LRRN2: variants seen among roughly 807,000 people sequenced by gnomAD.
LRRN2 encodes leucine rich repeat neuronal 2, also known as leucine-rich repeat neuronal protein 2.
LRRN2 carries 10 observed loss-of-function variants against 35.7 expected under a neutral mutation model. That is an observed-to-expected ratio of 0.28 (90% CI 0.17 to 0.47). LRRN2 has a LOEUF of 0.47. Among genes scored for constraint, LRRN2 ranks in the 20% least tolerant of loss-of-function variants. The pLI, the probability that LRRN2 is intolerant of heterozygous loss-of-function variation, is 0.99. For synonymous variants in LRRN2, 391 were observed against 409.6 expected (o/e 0.95, Z 0.55); for missense variants, 731 against 940.3 (o/e 0.78, Z 2.91).
intron 1 of LRRN2, among the ~76,000 whole-genome samples, chr1:204,682,182 TGCA>T (rs1558425990): frequency 6.6e-6 from 1 of 152,214 alleles, no homozygotes; most frequent in East Asian, 1.9e-4. Flanking sequence ...TCTACCTGAA[TGCA>T]GGTGGGGTGT....
At chr1:204,643,388 T>C (rs190229078) in intron 1 of LRRN2, among the ~76,000 whole-genome samples, 17 of 152,316 alleles carry the variant, frequency 1.1e-4, no homozygotes, top group Admixed American at 9.8e-4. Context: ...ATAGCTTTTA[T>C]CAACTTTTGA....
chr1:204,656,584 G>T (rs527471210), intron 1 of LRRN2, among the ~76,000 whole-genome samples: 2 of 152,226 alleles, frequency 1.3e-5, no homozygotes, highest in African/African-American at 4.8e-5. Context: ...GAAAATTTTG[G>T]CACGAACATT....
chr1:204,643,964 T>A (rs1424460063), intron 1 of LRRN2, among the ~76,000 whole-genome samples: 1 of 152,124 alleles, frequency 6.6e-6, no homozygotes. Context: ...AAAATGAGAA[T>A]AATATATGAC....
At chr1:204,650,333 T>G (rs1668196336) in intron 1 of LRRN2, among the ~76,000 whole-genome samples, 1 of 152,234 alleles carries the variant, frequency 6.6e-6, no homozygotes. Context: ...ATTAATTGTT[T>G]GAAGTCCCAG....
At chr1:204,625,225 AGCTG>A in intron 1 of LRRN2, among the ~76,000 whole-genome samples, 1 of 152,136 alleles carries the variant, frequency 6.6e-6, no homozygotes. Flanking sequence ...CAAATCCCTG[AGCTG>A]GGAATGGGGA....
intron 1 of LRRN2, among the ~76,000 whole-genome samples, chr1:204,672,035 A>G (rs1170913339): frequency 6.6e-6 from 1 of 152,238 alleles, no homozygotes; most frequent in Non-Finnish European, 1.5e-5. Flanking sequence ...GCACACGCCA[A>G]AGGCTTCCCT....
At chr1:204,652,263 C>CCCCCCCCCG (rs1553348476) in intron 1 of LRRN2, among the ~76,000 whole-genome samples, 846 of 73,364 alleles carry the variant, frequency 0.012, 20 homozygotes, top group African/African-American at 0.046. Flanking sequence ...CTTCACCGCC[C>CCCCCCCCCG]CCCCCCCGCC....
At chr1:204,636,296 A>G (rs12057889) in intron 1 of LRRN2, among the ~76,000 whole-genome samples, 38 of 152,330 alleles carry the variant, frequency 2.5e-4, no homozygotes, top group African/African-American at 7.5e-4. Context: ...TAATGCTAAC[A>G]TGAAAATAAG....
chr1:204,617,609 C>G lies in LRRN2; in HGVS notation c.*242G>C. The G allele has an allele frequency of 1.9e-6, 1 of 538,138 alleles. No homozygotes were observed. Among genetic ancestry groups the G allele is most frequent in the South Asian group, 2.2e-5 (1 of 46,428 alleles). The allele number at this position is 538,138 out of a possible 1,614,324, so 33.3% of individuals were successfully genotyped here. ...GCAGGAGGCTCTAGCCAAAGTCCCTCCTGTTCCTTGGAGATGTTCCTCAGA... is the reference window on the plus strand; with the variant it reads ...GCAGGAGGCTCTAGCCAAAGTCCCTGCTGTTCCTTGGAGATGTTCCTCAGA... On this transcript the variant is annotated 3_prime_UTR_variant, in exon 2 of 2. Coordinates refer to ENST00000367177, the MANE Select transcript of LRRN2 (RefSeq NM_201630.2).
At position 204,620,091 on chromosome 1, in the gene LRRN2, G is replaced by A; in HGVS notation, c.-99C>T. 1 of 1,491,310 alleles carries A rather than the reference G, an allele frequency of 6.7e-7. No homozygotes were observed. The highest frequency in any genetic ancestry group is 8.9e-7 in the Non-Finnish European group (1 of 1,118,050). 92.4% of individuals were successfully genotyped at this position (1,491,310 alleles called of 1,614,324 possible). A position where few individuals can be genotyped will look rare whatever the true frequency, so the allele number is the denominator to read the frequency against. ...GGTCAGCAACCCTGCCAGGGCCCAA[G>A]GAACCACCCTCCCAGGGCAGTCATT... On this transcript the variant is annotated 5_prime_UTR_variant, in exon 2 of 2. Coordinates refer to ENST00000367177, the MANE Select transcript of LRRN2 (RefSeq NM_201630.2).
At chr1:204,638,147 AGGCAGAGGCCTGGG>A (rs1439322093) in intron 1 of LRRN2, among the ~76,000 whole-genome samples, 2 of 122,774 alleles carry the variant, frequency 1.6e-5, no homozygotes, top group Non-Finnish European at 3.2e-5. Flanking sequence ...TGAGGCCTGC[AGGCAGAGGCCTGGG>A]GAATATAATC....
chr1:204,633,706 C>T (rs1477660643), intron 1 of LRRN2, among the ~76,000 whole-genome samples: 2 of 152,244 alleles, frequency 1.3e-5, no homozygotes, highest in Non-Finnish European at 2.9e-5. Flanking sequence ...CTGGCCCTAA[C>T]ACCTGTGCTC....
chr1:204,646,491 T>C (rs1668110301), intron 1 of LRRN2, among the ~76,000 whole-genome samples: 2 of 152,026 alleles, frequency 1.3e-5, no homozygotes, highest in African/African-American at 4.8e-5. Flanking sequence ...TGGCAGACTC[T>C]GGGAGAGCTG....
intron 1 of LRRN2, among the ~76,000 whole-genome samples, chr1:204,659,248 C>T (rs1668419464): frequency 6.6e-6 from 1 of 152,236 alleles, no homozygotes. Context: ...GTACCTCTGT[C>T]ACTATGGAAA....
chr1:204,625,667 C>G (rs1010968820), intron 1 of LRRN2, among the ~76,000 whole-genome samples: 1 of 152,202 alleles, frequency 6.6e-6, no homozygotes, highest in Non-Finnish European at 1.5e-5. Flanking sequence ...CGCCGCCAAG[C>G]AGTTTCATCT....
intron 1 of LRRN2, among the ~76,000 whole-genome samples, chr1:204,663,471 C>G (rs1668511983): frequency 6.6e-6 from 1 of 152,194 alleles, no homozygotes; most frequent in Non-Finnish European, 1.5e-5. Flanking sequence ...GCAGCCATCA[C>G]AGGCTCTTCT....
rs893054606 is a variant in LRRN2, at chr1:204,618,515, C to T, written c.1478G>A (p.Gly493Glu). 1 of 1,614,102 alleles carries T rather than the reference C, an allele frequency of 6.2e-7. No homozygotes were observed. The highest frequency in any genetic ancestry group is 8.5e-7 in the Non-Finnish European group (1 of 1,180,048). The change falls in exon 2 of 2, where the codon GGG becomes GAG. Residue 493 changes from glycine to glutamate, a missense_variant. By Grantham distance (98) the Gly-to-Glu change is moderately conservative. Coordinates refer to ENST00000367177, the MANE Select transcript of LRRN2 (RefSeq NM_201630.2). ...GTTCTGGGCCACACAGGTGTATAGCCCTGCCTCTTCTGCTGTCACCCTCCG... is the reference window on the plus strand; with the variant it reads ...GTTCTGGGCCACACAGGTGTATAGCTCTGCCTCTTCTGCTGTCACCCTCCG... ...ELRRVTAEEA[G>E]LYTCVAQNLV...
At chr1:204,684,449 C>A (rs1481915582) in intron 1 of LRRN2, among the ~76,000 whole-genome samples, 1 of 152,204 alleles carries the variant, frequency 6.6e-6, no homozygotes, top group Admixed American at 6.5e-5. Flanking sequence ...GTGCTACCCC[C>A]GGGGCCCCTC....
chr1:204,622,389 A>C (rs956052108), intron 1 of LRRN2, among the ~76,000 whole-genome samples: 1 of 152,224 alleles, frequency 6.6e-6, no homozygotes, highest in Non-Finnish European at 1.5e-5. Flanking sequence ...TTCCCTGAGC[A>C]GGAACACAGC....
Sources: allele counts gnomAD v4.1 joint callset (sites outside exome capture counted in the v4.1 genomes callset), GRCh38; gene constraint gnomAD v4.1.1; transcripts MANE v1.5; gene names NCBI Gene and HGNC (gene_info 2026-07-23, HGNC 2026-07-21).